TMPO: variants seen among roughly 807,000 people sequenced by gnomAD.
The protein encoded by TMPO is LEM domain containing 4.
Under a neutral mutation model 45.4 loss-of-function variants are expected in TMPO, and 22 were observed. That is an observed-to-expected ratio of 0.48 (90% confidence interval 0.35 to 0.69). The LOEUF (loss-of-function observed/expected upper bound fraction) is 0.69. TMPO is among the 30% of genes least tolerant of loss of function. The pLI is 0.01. For missense variants in TMPO, 512 were observed against 548.8 expected (o/e 0.93, Z 0.67); for synonymous variants, 241 against 204.1 (o/e 1.18, Z -1.54).
intron 2 of TMPO, among the ~76,000 whole-genome samples, chr12:98,528,566 C>T (rs1020480540): frequency 2.6e-5 from 4 of 151,990 alleles, no homozygotes; most frequent in African/African-American, 7.2e-5. Flanking sequence ...TGTGAGCCAC[C>T]GTGCCTGGCC....
In TMPO at chr12:98,548,402, A is replaced by G. The variant is rs567743962; in HGVS notation, c.*544A>G. On this transcript the variant is annotated 3_prime_UTR_variant, in exon 9 of 9. Coordinates refer to ENST00000556029, the MANE Select transcript of TMPO (RefSeq NM_001032283.3). ...AAGTACAGCAATAATCTCTTCTGTA[A>G]CCTTTATTAATAGTAATGTTGTTGT... 3 of 155,112 alleles carry G rather than the reference A, an allele frequency of 1.9e-5. No individual in the cohort carries two copies. The East Asian group carries it at 5.7e-4, about 30-fold the overall frequency. 9.6% of individuals were successfully genotyped at this position (155,112 alleles called of 1,614,324 possible).
rs368715384 is a variant in TMPO, at chr12:98,527,872, G to C, written c.280-14G>C. On this transcript the variant is annotated splice_polypyrimidine_tract_variant and intron_variant, in intron 1 of 8. Coordinates refer to ENST00000556029, the MANE Select transcript of TMPO (RefSeq NM_001032283.3). ...TTAATTCATATGGAAATGATTACTG[G>C]ACTTTGTTTACAGAAAGCCACAAAA... The C allele has an allele frequency of 1.4e-5, 22 of 1,613,162 alleles. No homozygotes were observed. Among genetic ancestry groups the C allele is most frequent in the Non-Finnish European group, 1.9e-5 (22 of 1,179,676 alleles).
intron 2 of TMPO, among the ~76,000 whole-genome samples, chr12:98,530,014 T>C (rs928946016): frequency 6.6e-6 from 1 of 152,238 alleles, no homozygotes; most frequent in African/African-American, 2.4e-5. Flanking sequence ...CCAACAGATA[T>C]ATAACACTTT....
At chr12:98,522,413 C>A (rs1876439900) in intron 1 of TMPO, among the ~76,000 whole-genome samples, 1 of 152,120 alleles carries the variant, frequency 6.6e-6, no homozygotes, top group South Asian at 2.1e-4. Flanking sequence ...AATTTACCAC[C>A]ACTGTATAAT....
chr12:98,522,292 G>A (rs867792799), intron 1 of TMPO, among the ~76,000 whole-genome samples: 1 of 152,156 alleles, frequency 6.6e-6, no homozygotes, highest in Non-Finnish European at 1.5e-5. Context: ...TGGGATTGTA[G>A]GTGTGAGCTG....
In TMPO at chr12:98,534,383, TA is replaced by T. The variant is rs541571206; in HGVS notation, c.565+2546del. 3.4e-3 allele frequency: 5,396 copies of T among 1,605,734 alleles called. 14 individuals are homozygous for T. Among genetic ancestry groups the T allele is most frequent in the Middle Eastern group, 0.015 (81 of 5,284 alleles). On this transcript the variant is annotated intron_variant, in intron 3 of 8. Transcript: ENST00000556029. ...AAAGACATCTATCTTATCTTTCAGGTACTTTATGCCAACATTTTCTTTTCTG... is the reference window on the plus strand; with the variant it reads ...AAAGACATCTATCTTATCTTTCAGGTCTTTATGCCAACATTTTCTTTTCTG...
At chr12:98,537,218 TAAAGG>T (rs1300778884) in intron 3 of TMPO, among the ~76,000 whole-genome samples, 4 of 152,098 alleles carry the variant, frequency 2.6e-5, no homozygotes, top group African/African-American at 9.7e-5. Context: ...GAGTCCCAGA[TAAAGG>T]AAAGGAGAAT....
Position 98,516,494 on chromosome 12 carries a change from A to G in TMPO, c.279+348A>G. ...TTCCGTGCCCTTTCGAAAGCTCTGG[A>G]GGGGTGGCCCCAAAATGCTATAGGT... On this transcript the variant is annotated intron_variant, in intron 1 of 8. Coordinates refer to ENST00000556029, the MANE Select transcript of TMPO (RefSeq NM_001032283.3). 2.7e-6 allele frequency: 3 copies of G among 1,094,200 alleles called. No homozygotes were observed. The South Asian group carries it at 1.3e-4, about 49-fold the overall frequency. 67.8% of individuals were successfully genotyped at this position (1,094,200 alleles called of 1,614,324 possible).
Position 98,527,978 on chromosome 12 carries a change from T to C in TMPO, c.372T>C (p.Leu124=), listed in dbSNP as rs1441672043. The C allele has an allele frequency of 3.7e-6, 6 of 1,613,860 alleles. No individual in the cohort carries two copies. Among genetic ancestry groups the C allele is most frequent in the East Asian group, 4.5e-5 (2 of 44,822 alleles). ...ELTNEDLLDQ[L]VKYGVNPGPI... is the part of the protein sequence containing the mutation. ...CTAATGAAGATCTTTTGGATCAGCT[T>C]GTGAAATACGGAGTGAATCCTGGTC... Residue 124 remains leucine (L), a synonymous_variant, in exon 2 of 9, where the codon CTT becomes CTC. Transcript: ENST00000556029.
intron 1 of TMPO, among the ~76,000 whole-genome samples, chr12:98,522,943 A>G (rs746044273): frequency 6.6e-6 from 1 of 152,244 alleles, no homozygotes; most frequent in South Asian, 2.1e-4. Context: ...CAACATCTTT[A>G]TACTAGAGGT....
intron 4 of TMPO, among the ~76,000 whole-genome samples, chr12:98,543,383 A>G (rs1283687229): frequency 6.6e-6 from 1 of 152,242 alleles, no homozygotes; most frequent in Admixed American, 6.5e-5. Context: ...TTCGGGCCCT[A>G]CAGCTACAGA....
At chr12:98,533,059 C>T in intron 3 of TMPO, 3 of 1,613,590 alleles carry the variant, frequency 1.9e-6, no homozygotes, top group Non-Finnish European at 2.5e-6. Flanking sequence ...GGGACAGTTG[C>T]AGAAGTTAGC....
chr12:98,539,471 CTTT>C (rs398039980), intron 4 of TMPO, among the ~76,000 whole-genome samples: 28 of 123,476 alleles, frequency 2.3e-4, no homozygotes, highest in Admixed American at 3.3e-4. Flanking sequence ...TTTTAAATTA[CTTT>C]TTTTTTTTTT....
At position 98,515,952 on chromosome 12, in the gene TMPO, G is replaced by A. The variant is rs1174108011; in HGVS notation, c.85G>A (p.Ala29Thr). 5 of 1,613,276 alleles carry A rather than the reference G, an allele frequency of 3.1e-6. No individual in the cohort carries two copies. The highest frequency in any genetic ancestry group is 1.7e-5 in the Admixed American group (1 of 60,008). ...ELVANNVTLPAGEQRKDVYVQ... is the reference protein window; with the variant it reads ...ELVANNVTLPTGEQRKDVYVQ... Reference sequence around the variant, plus strand: ...GGTCGCCAACAATGTGACGCTGCCGGCCGGGGAGCAGCGCAAAGACGTGTA... The same window carrying A: ...GGTCGCCAACAATGTGACGCTGCCGACCGGGGAGCAGCGCAAAGACGTGTA... The change falls in exon 1 of 9, where the codon GCC becomes ACC. Residue 29 changes from alanine to threonine, a missense_variant. Ala to Thr is a moderately conservative substitution (Grantham distance 58, BLOSUM62 0). Around this residue, in one of 3 missense-constraint regions of TMPO, gnomAD observed 299 missense variants for 296.7 expected, o/e 1.01. Transcript: ENST00000556029.
chr12:98,534,781 C>T, intron 3 of TMPO: 2 of 1,009,936 alleles, frequency 2.0e-6, no homozygotes, highest in South Asian at 8.2e-5. Flanking sequence ...ATCTCAGTAT[C>T]TTTTCACGTT....
At chr12:98,523,727 G>A (rs1438518858) in intron 1 of TMPO, among the ~76,000 whole-genome samples, 1 of 151,978 alleles carries the variant, frequency 6.6e-6, no homozygotes, top group Non-Finnish European at 1.5e-5. Flanking sequence ...CCAGGCTGGA[G>A]TGCAGTGGCG....
intron 8 of TMPO, among the ~76,000 whole-genome samples, chr12:98,547,289 AG>A (rs2121261105): frequency 6.6e-6 from 1 of 152,058 alleles, no homozygotes; most frequent in East Asian, 1.9e-4. Context: ...TGGCCAGGCT[AG>A]TCTTGAACTC....
At chr12:98,531,941 A>C in intron 3 of TMPO, 103 bp downstream of exon 3, 1 of 937,488 alleles carries the variant, frequency 1.1e-6, no homozygotes, top group Non-Finnish European at 1.6e-6. Context: ...GGCAAGATAC[A>C]CAAATTTTAT....
At chr12:98,520,299 T>C (rs1876238084) in intron 1 of TMPO, among the ~76,000 whole-genome samples, 1 of 145,880 alleles carries the variant, frequency 6.9e-6, no homozygotes, top group East Asian at 2.1e-4. Context: ...CCTTCCTTCC[T>C]TCCTTCCTTC....
Sources: allele counts gnomAD v4.1 joint callset (sites outside exome capture counted in the v4.1 genomes callset), GRCh38; gene constraint gnomAD v4.1.1; regional missense constraint gnomAD v4.1.1; transcripts MANE v1.5; gene names NCBI Gene and HGNC (gene_info 2026-07-23, HGNC 2026-07-21).